DPYD: variants seen among roughly 807,000 people sequenced by gnomAD.
The protein encoded by DPYD is dihydropyrimidine dehydrogenase, also known as dihydropyrimidine dehydrogenase [NADP(+)].
DPYD carries 109 observed loss-of-function variants against 116.2 expected under a neutral mutation model. The ratio of observed to expected loss-of-function variants is 0.94; its 90% CI spans 0.80 to 1.10. DPYD has a LOEUF of 1.10. DPYD is among the 50% of genes least tolerant of loss of function. The probability of loss-of-function intolerance (pLI) is 0.00; values close to 1 mark genes in which losing one functional copy is unlikely to be tolerated. For synonymous variants in DPYD, 440 were observed against 432.0 expected (o/e 1.02, Z -0.23); for missense variants, 1,302 against 1,254.5 (o/e 1.04, Z -0.57).
intron 3 of DPYD, among the ~76,000 whole-genome samples, chr1:97,779,477 T>A (rs1179347003): frequency 1.3e-5 from 2 of 152,154 alleles, no homozygotes; most frequent in East Asian, 1.9e-4. Context: ...TTACTACTAC[T>A]ACAAAATAAA....
At chr1:97,288,834 A>C (rs1425737426) in intron 18 of DPYD, among the ~76,000 whole-genome samples, 1 of 152,006 alleles carries the variant, frequency 6.6e-6, no homozygotes, top group African/African-American at 2.4e-5. Flanking sequence ...AATAACTAAA[A>C]TCAGAGCACA....
intron 1 of DPYD, among the ~76,000 whole-genome samples, chr1:97,918,820 T>C (rs1674357836): frequency 6.6e-6 from 1 of 152,198 alleles, no homozygotes; most frequent in Non-Finnish European, 1.5e-5. Flanking sequence ...TCTTATCACA[T>C]TCATTAACTG....
chr1:97,308,913 G>A (rs528324831), intron 16 of DPYD, among the ~76,000 whole-genome samples: 11 of 151,954 alleles, frequency 7.2e-5, no homozygotes, highest in African/African-American at 2.7e-4. Context: ...AGAAGAAGAA[G>A]AGGAAGAAGG....
At chr1:97,093,211 G>A (rs1650010986) in intron 21 of DPYD, among the ~76,000 whole-genome samples, 5 of 152,022 alleles carry the variant, frequency 3.3e-5, no homozygotes, top group Admixed American at 3.3e-4. Flanking sequence ...TCTATATTCT[G>A]TATGCTTTAT....
intron 18 of DPYD, among the ~76,000 whole-genome samples, chr1:97,288,103 T>C (rs978463401): frequency 6.6e-6 from 1 of 151,508 alleles, no homozygotes; most frequent in African/African-American, 2.4e-5. Context: ...CATTACATAA[T>C]GGTAAAGGGA....
chr1:97,685,036 C>T (rs985639106), intron 7 of DPYD, among the ~76,000 whole-genome samples: 3 of 152,082 alleles, frequency 2.0e-5, no homozygotes, highest in Admixed American at 2.0e-4. Flanking sequence ...GGCAGAGATA[C>T]AACAAAAAGA....
intron 2 of DPYD, among the ~76,000 whole-genome samples, 168 bp from the exon 3 acceptor site, chr1:97,828,364 T>G (rs965501170): frequency 6.6e-6 from 1 of 152,144 alleles, no homozygotes; most frequent in Non-Finnish European, 1.5e-5. Context: ...AATCCAACAG[T>G]AACAAAATAA....
At chr1:97,386,930 C>T (rs1262976010) in intron 14 of DPYD, among the ~76,000 whole-genome samples, 5 of 151,646 alleles carry the variant, frequency 3.3e-5, no homozygotes, top group Non-Finnish European at 5.9e-5. Flanking sequence ...TGCTGTACTC[C>T]GTTTTTAATC....
At position 97,195,569 on chromosome 1, in the gene DPYD, CATATATAT is replaced by C. The variant is rs1200424384; in HGVS notation, c.2443-2329_2443-2322del. Among the ~76,000 whole-genome samples, 170 of 37,368 alleles carry C rather than the reference CATATATAT, an allele frequency of 4.5e-3. 4 individuals carry two copies. The highest frequency in any genetic ancestry group is 0.015 in the African/African-American group (146 of 9,678). The allele number at this position is 37,368 out of a possible 152,430, so 24.5% of individuals were successfully genotyped here. ...GAGAGAGAGAGAGAGACAGAACTCT[CATATATAT>C]ATATATATATATATATATGTGTGTG... On this transcript the variant is annotated intron_variant, in intron 19 of 22. Transcript: ENST00000370192.
chr1:97,319,986 T>A (rs968527078), intron 16 of DPYD, among the ~76,000 whole-genome samples: 5 of 138,488 alleles, frequency 3.6e-5, no homozygotes, highest in African/African-American at 1.3e-4. Context: ...AAAAACCACA[T>A]GATTATCTCA....
chr1:97,733,905 G>T (rs932481292), intron 4 of DPYD, among the ~76,000 whole-genome samples: 2 of 151,858 alleles, frequency 1.3e-5, no homozygotes, highest in Non-Finnish European at 2.9e-5. Flanking sequence ...ATGCAAGCAG[G>T]CTAATTTTAA....
chr1:97,406,660 T>C (rs965761912), intron 14 of DPYD, among the ~76,000 whole-genome samples: 4 of 151,904 alleles, frequency 2.6e-5, no homozygotes, highest in African/African-American at 9.7e-5. Context: ...ATTAGCTCTT[T>C]AGCGTTTTAC....
intron 13 of DPYD, among the ~76,000 whole-genome samples, chr1:97,481,209 A>T (rs1280367922): frequency 6.6e-6 from 1 of 152,150 alleles, no homozygotes; most frequent in Non-Finnish European, 1.5e-5. Flanking sequence ...AGAAAAATGC[A>T]CATGTGAACG....
intron 1 of DPYD, among the ~76,000 whole-genome samples, chr1:97,914,632 G>C (rs945769980): frequency 6.6e-6 from 1 of 152,102 alleles, no homozygotes; most frequent in African/African-American, 2.4e-5. Context: ...TAATAGATGT[G>C]AATAGTCATG....
At chr1:97,747,296 A>C (rs1664610812) in intron 3 of DPYD, among the ~76,000 whole-genome samples, 1 of 152,178 alleles carries the variant, frequency 6.6e-6, no homozygotes, top group Admixed American at 6.5e-5. Context: ...GCACTAAAAT[A>C]GCTGATATAA....
At chr1:97,378,023 G>A (rs1283862815) in intron 15 of DPYD, among the ~76,000 whole-genome samples, 1 of 152,208 alleles carries the variant, frequency 6.6e-6, no homozygotes, top group East Asian at 1.9e-4. Flanking sequence ...AACTTCTTCT[G>A]TTAAATGAAT....
intron 13 of DPYD, among the ~76,000 whole-genome samples, chr1:97,485,789 T>C (rs186157958): frequency 2.8e-4 from 43 of 152,330 alleles, no homozygotes; most frequent in African/African-American, 7.9e-4. Flanking sequence ...TAGTTTCAGA[T>C]ATCTGCAGTT....
intron 8 of DPYD, among the ~76,000 whole-genome samples, chr1:97,626,161 C>T (rs1461271270): frequency 2.0e-5 from 3 of 151,912 alleles, no homozygotes; most frequent in Non-Finnish European, 2.9e-5. Context: ...AATGAATAAA[C>T]TCGTATTTCC....
At chr1:97,342,317 A>C (rs1432216888) in intron 16 of DPYD, among the ~76,000 whole-genome samples, 1 of 152,138 alleles carries the variant, frequency 6.6e-6, no homozygotes, top group African/African-American at 2.4e-5. Context: ...AGAACAACTA[A>C]TTTAATTTTT....
Sources: allele counts gnomAD v4.1 joint callset (sites outside exome capture counted in the v4.1 genomes callset), GRCh38; gene constraint gnomAD v4.1.1; transcripts MANE v1.5; gene names NCBI Gene and HGNC (gene_info 2026-07-23, HGNC 2026-07-21).